The following GCC2 variants were observed in gnomAD, a reference collection of about 807,000 sequenced individuals.
The protein encoded by GCC2 is GRIP and coiled-coil domain containing 2, also known as GRIP and coiled-coil domain-containing protein 2.
GCC2 carries 120 observed loss-of-function variants against 210.6 expected under a neutral mutation model. The observed-to-expected ratio is 0.57, with a 90% confidence interval of 0.49 to 0.66. The LOEUF is 0.66. Ranked by LOEUF, GCC2 falls within the 30% of genes least tolerant of loss-of-function variation. GCC2 has a pLI of 0.00. For missense variants in GCC2, 1,868 were observed against 1,871.9 expected (o/e 1.00, Z 0.04); for synonymous variants, 703 against 652.7 (o/e 1.08, Z -1.17).
chr2:108,464,990 T>C (rs1314038392), intron 4 of GCC2, among the ~76,000 whole-genome samples: 9 of 152,074 alleles, frequency 5.9e-5, no homozygotes, highest in Non-Finnish European at 1.3e-4. Context: ...GCCACACACT[T>C]TAAACAACCA....
At chr2:108,472,140 G>T (rs762150750) in intron 6 of GCC2, 24 bp downstream of exon 6, 3 of 1,397,654 alleles carry the variant, frequency 2.1e-6, no homozygotes, top group Non-Finnish European at 2.9e-6. Flanking sequence ...GAATTCTATT[G>T]TTTCAAATAA....
At chr2:108,478,074 T>C (rs549051438) in intron 9 of GCC2, among the ~76,000 whole-genome samples, 3 of 151,958 alleles carry the variant, frequency 2.0e-5, no homozygotes, top group Admixed American at 1.3e-4. Flanking sequence ...GAAATTGATA[T>C]GCCTGGTCTA....
chr2:108,466,854 G>T (rs1306536759), intron 4 of GCC2, among the ~76,000 whole-genome samples: 1 of 152,064 alleles, frequency 6.6e-6, no homozygotes, highest in African/African-American at 2.4e-5. Flanking sequence ...TTATAATATG[G>T]TATGAAGTCT....
chr2:108,506,182 A>G (rs895356327), intron 22 of GCC2, among the ~76,000 whole-genome samples: 2 of 152,244 alleles, frequency 1.3e-5, no homozygotes, highest in Admixed American at 6.5e-5. Flanking sequence ...ACAATTATTC[A>G]TAGAAACTTT....
chr2:108,466,485 T>TTTAG (rs1048695190), intron 4 of GCC2, among the ~76,000 whole-genome samples: 1 of 151,900 alleles, frequency 6.6e-6, no homozygotes, highest in African/African-American at 2.4e-5. Context: ...TATTTATTTA[T>TTTAG]TTTTTGAGAC....
chr2:108,458,411 G>C (rs1553435920), intron 4 of GCC2, among the ~76,000 whole-genome samples: 1 of 131,842 alleles, frequency 7.6e-6, no homozygotes, highest in Admixed American at 7.9e-5. Context: ...TCCTTGTCTG[G>C]TTTTGGTATC....
At chr2:108,468,881 T>C (rs1681040558) in intron 4 of GCC2, 99 bp from the exon 5 acceptor site, 2 of 735,338 alleles carry the variant, frequency 2.7e-6, no homozygotes, top group East Asian at 5.0e-5. Context: ...AATCTCTTAT[T>C]CTCACTTCAG....
chr2:108,481,300 C>T (rs1436148316), intron 9 of GCC2, among the ~76,000 whole-genome samples: 1 of 152,188 alleles, frequency 6.6e-6, no homozygotes, highest in African/African-American at 2.4e-5. Flanking sequence ...ATATTTCTCT[C>T]ATTAGAATTC....
chr2:108,486,488 T>A, intron 15 of GCC2, 23 bp from the exon 16 acceptor site: 1 of 1,613,384 alleles, frequency 6.2e-7, no homozygotes, highest in Non-Finnish European at 8.5e-7. Flanking sequence ...TTGCTAAAGC[T>A]AAATTTAAAG....
intron 17 of GCC2, among the ~76,000 whole-genome samples, chr2:108,488,771 C>G (rs1354500977): frequency 6.6e-6 from 1 of 152,154 alleles, no homozygotes; most frequent in Non-Finnish European, 1.5e-5. Flanking sequence ...ACATCTGGCT[C>G]TTACTGTTCT....
intron 4 of GCC2, among the ~76,000 whole-genome samples, chr2:108,462,270 A>C: frequency 6.7e-6 from 1 of 148,192 alleles, no homozygotes. Flanking sequence ...AGGCGGGCAG[A>C]TCATGAGGTC....
rs764688075 is a variant in GCC2 at position 108,471,325 on chromosome 2, C to G, written c.1996C>G (p.Leu666Val). Residue 666 changes from leucine (L) to valine (V), a missense_variant, in exon 6 of 23, where the codon CTA becomes GTA. Coordinates refer to ENST00000309863, the MANE Select transcript of GCC2 (RefSeq NM_181453.4). ...LKEKDQNDQK[L>V]EKLMVQMKVL... Reference sequence around the variant, plus strand: ...AGAAAAGGATCAAAATGACCAAAAACTAGAAAAACTTATGGTTCAAATGAA... The same window carrying G: ...AGAAAAGGATCAAAATGACCAAAAAGTAGAAAAACTTATGGTTCAAATGAA... 1 of 1,611,642 alleles carries G rather than the reference C, an allele frequency of 6.2e-7. No individual in the cohort carries two copies. Among genetic ancestry groups the G allele is most frequent in the South Asian group, 1.1e-5 (1 of 90,504 alleles).
At position 108,492,780 on chromosome 2, in the gene GCC2, G is replaced by A. The variant is rs73954367; in HGVS notation, c.4437G>A (p.Pro1479=). The stretch of plus-strand genomic sequence containing the variant: ...AGCTCTTCCAGCTTAAGAATGAACC[G>A]ACCACAAGAAGTATGTATGTACACA... ...EAQLFQLKNE[P]TTRSPVSSQQ... Residue 1479 remains proline (P), a synonymous_variant, in exon 19 of 23, where the codon CCG becomes CCA. Transcript: ENST00000309863. 2.8e-5 allele frequency: 45 copies of A among 1,608,062 alleles called. No individual in the cohort carries two copies. In the African/African-American group the frequency reaches 4.4e-4, roughly 16 times the overall value.
At chr2:108,486,763 C>T in intron 16 of GCC2, 115 bp downstream of exon 16, 1 of 876,052 alleles carries the variant, frequency 1.1e-6, no homozygotes, top group Non-Finnish European at 1.7e-6. Context: ...AGAGCACTTA[C>T]TAGATTAAGA....
At position 108,449,255 on chromosome 2, in the gene GCC2, C is replaced by CCGG; in HGVS notation, c.-13_-11dup. The CCGG allele has an allele frequency of 6.5e-7, 1 of 1,548,776 alleles. No individual in the cohort carries two copies. Among genetic ancestry groups the CCGG allele is most frequent in the East Asian group, 2.4e-5 (1 of 40,868 alleles). On this transcript the variant is annotated 5_prime_UTR_variant, in exon 1 of 23. Transcript: ENST00000309863. ...AGCGGTGGCGGCGGCTGGTTGCGGG[C>CCGG]CGGCGGCGGGCTGGCGGAGATGGAG...
intron 22 of GCC2, among the ~76,000 whole-genome samples, chr2:108,504,866 T>C (rs1000052632): frequency 6.6e-6 from 1 of 151,920 alleles, no homozygotes; most frequent in African/African-American, 2.4e-5. Context: ...TACAAGTAAA[T>C]AAAGACGAAA....
chr2:108,460,860 C>T lies in GCC2; in HGVS notation c.217-8120C>T, dbSNP rs13414292. The stretch of plus-strand genomic sequence containing the variant: ...TTGCTTTTCTCATGATAGTGAGTGA[C>T]TTCTCATGAGATGTGGTTGTTTAAA... On this transcript the variant is annotated intron_variant, in intron 4 of 22. Coordinates refer to ENST00000309863, the MANE Select transcript of GCC2 (RefSeq NM_181453.4). Among the ~76,000 whole-genome samples the T allele has an allele frequency of 9.3e-3, 1,416 of 152,238 alleles. 23 individuals carry two copies. The highest frequency in any genetic ancestry group is 0.031 in the Middle Eastern group (9 of 294).
intron 3 of GCC2, among the ~76,000 whole-genome samples, chr2:108,452,192 A>T (rs1679981190): frequency 6.6e-6 from 1 of 152,170 alleles, no homozygotes; most frequent in Admixed American, 6.5e-5. Flanking sequence ...GCAGTGAAGG[A>T]GGAAGTGAGT....
chr2:108,469,756 T>A lies in GCC2; in HGVS notation c.427T>A (p.Ser143Thr), dbSNP rs1284739793. 1 of 1,613,700 alleles carries A rather than the reference T, an allele frequency of 6.2e-7. No individual in the cohort carries two copies. Among genetic ancestry groups the A allele is most frequent in the Non-Finnish European group, 8.5e-7 (1 of 1,179,732 alleles). ...NLKNELMAVR[S>T]KYSEDKANLQ... ...GAAAAATGAGTTGATGGCAGTACGTTCCAAATACAGTGAAGACAAAGCTAA... is the reference window on the plus strand; with the variant it reads ...GAAAAATGAGTTGATGGCAGTACGTACCAAATACAGTGAAGACAAAGCTAA... Residue 143 changes from serine (S) to threonine (T), a missense_variant, in exon 6 of 23, where the codon TCC becomes ACC. Transcript: ENST00000309863.
Sources: gnomAD v4.1 joint callset for allele counts (sites outside exome capture counted in the v4.1 genomes callset) on GRCh38, gnomAD v4.1.1 for gene constraint, MANE v1.5 for transcripts, NCBI Gene and HGNC (gene_info 2026-07-23, HGNC 2026-07-21) for gene names.